LIN37: variants seen among roughly 807,000 people sequenced by gnomAD.
LIN37 encodes the protein protein lin-37 homolog.
LIN37 carries 21 observed loss-of-function variants against 38.0 expected under a neutral mutation model. That is an observed-to-expected ratio of 0.55 (90% confidence interval 0.39 to 0.80). LIN37 has a LOEUF of 0.80. Ranked by LOEUF, LIN37 falls within the 30% of genes least tolerant of loss-of-function variation. The pLI is 0.00. For synonymous variants in LIN37, 126 were observed against 122.9 expected (o/e 1.03, Z -0.17); for missense variants, 273 against 338.5 (o/e 0.81, Z 1.52).
intron 5 of LIN37, 36 bp from the exon 6 acceptor site, chr19:35,753,051 A>G (rs765241436): frequency 5.0e-6 from 8 of 1,593,308 alleles, no homozygotes; most frequent in Non-Finnish European, 6.8e-6. Context: ...GGCCTATGCA[A>G]GGATGCTCAC....
rs1970691251 is a variant in LIN37, at chr19:35,752,429, T to C, written c.111-5T>C. On this transcript the variant is annotated splice_region_variant and splice_polypyrimidine_tract_variant and intron_variant, in intron 2 of 8. Transcript: ENST00000301159. ...CCTGAGCTGAGAGATCTCTTCTGCC[T>C]CTAGGGAGCGTCTGGATGAGGAAGC... The C allele has an allele frequency of 1.2e-6, 2 of 1,613,948 alleles. No individual in the cohort carries two copies. Among genetic ancestry groups the C allele is most frequent in the Non-Finnish European group, 1.7e-6 (2 of 1,179,846 alleles).
At chr19:35,752,711 G>T in intron 3 of LIN37, 93 bp from the exon 4 acceptor site, 1 of 1,508,860 alleles carries the variant, frequency 6.6e-7, no homozygotes, top group South Asian at 1.2e-5. Context: ...GGGTTCATGT[G>T]AGCATCTCAG....
Position 35,753,236 on chromosome 19 carries a change from C to T in LIN37, c.427C>T (p.Leu143=), listed in dbSNP as rs566447622. The T allele has an allele frequency of 3.9e-6, 6 of 1,552,020 alleles. No individual in the cohort carries two copies. The South Asian group carries it at 7.1e-5, about 18-fold the overall frequency. The change falls in exon 6 of 9, where the codon CTG becomes TTG. Residue 143 remains leucine, a synonymous_variant. Transcript: ENST00000301159. ...ECSPSSPLPP[L]PEDEEGSEVT... The stretch of plus-strand genomic sequence containing the variant: ...CTCTCCCAGCTCACCCCTGCCCCCG[C>T]TGCCTGAGGATGAGGAGGTGGGATG...
chr19:35,753,315 C>G, intron 6 of LIN37, 62 bp downstream of exon 6: 9 of 1,517,884 alleles, frequency 5.9e-6, no homozygotes, highest in Non-Finnish European at 8.0e-6. Flanking sequence ...TGGATAGGCT[C>G]AAAGGATCCT....
chr19:35,753,328 C>A, intron 6 of LIN37, 75 bp downstream of exon 6: 1 of 1,495,208 alleles, frequency 6.7e-7, no homozygotes, highest in Non-Finnish European at 9.0e-7. Context: ...AGGATCCTGC[C>A]CCTAAGCTAG....
intron 1 of LIN37, among the ~76,000 whole-genome samples, chr19:35,749,321 T>C (rs1013195362): frequency 2.0e-5 from 3 of 152,060 alleles, no homozygotes; most frequent in Admixed American, 6.6e-5. Context: ...CCAGTAATCC[T>C]AGAAAATAGG....
rs1199965749 is a variant in LIN37 at position 35,754,274 on chromosome 19, C to T, written c.614C>T (p.Thr205Ile). ...EPSEPEPSPS[T>I]LIYRNMQRWK... ...TCTGAGCCCGAGCCCTCACCCTCCA[C>T]ACTCATCTATCGCAACATGCAGCGC... is the stretch of plus-strand genomic sequence containing the variant. Residue 205 changes from threonine to isoleucine, a missense_variant, in exon 8 of 9, where the codon ACA (threonine) becomes ATA (isoleucine). Physicochemically the swap from Thr to Ile is moderately conservative, Grantham distance 89. Transcript: ENST00000301159. 3.1e-6 allele frequency: 5 copies of T among 1,613,944 alleles called. No homozygotes were observed. In the Admixed American group the frequency reaches 6.7e-5, roughly 22 times the overall value.
chr19:35,752,741 AG>A (rs1970695645), intron 3 of LIN37, 62 bp from the exon 4 acceptor site: 2 of 1,578,670 alleles, frequency 1.3e-6, no homozygotes, highest in South Asian at 2.3e-5. Context: ...CAGTATCCCC[AG>A]GGTGCCCTCT....
intron 1 of LIN37, among the ~76,000 whole-genome samples, chr19:35,751,157 C>T (rs1240251096): frequency 6.6e-6 from 1 of 151,268 alleles, no homozygotes; most frequent in Admixed American, 6.6e-5. Context: ...CCCATCTCTA[C>T]TAAAAATACA....
chr19:35,748,919 A>G, intron 1 of LIN37, 161 bp downstream of exon 1: 1 of 1,537,272 alleles, frequency 6.5e-7, no homozygotes, highest in Admixed American at 1.8e-5. Context: ...CCACCTTCAC[A>G]CCCTCCCGGT....
chr19:35,748,672 C>T lies in LIN37; in HGVS notation c.-53C>T. On this transcript the variant is annotated 5_prime_UTR_variant, in exon 1 of 9. Transcript: ENST00000301159. ...CCTTCTCCCGCCTTGACTTGTGACC[C>T]TAGGCCCTTTGGGGCGCCTCTGACC... The T allele has an allele frequency of 6.2e-7, 1 of 1,612,942 alleles. No individual in the cohort carries two copies. Among genetic ancestry groups the T allele is most frequent in the South Asian group, 1.1e-5 (1 of 91,038 alleles).
chr19:35,754,425 G>A lies in LIN37; in HGVS notation c.692G>A (p.Arg231His), dbSNP rs763621662. 3.7e-6 allele frequency: 6 copies of A among 1,614,014 alleles called. No individual in the cohort carries two copies. Among genetic ancestry groups the A allele is most frequent in the South Asian group, 3.3e-5 (3 of 91,082 alleles). ...GAGGCCTCTCATCGGAACCAGCTTC[G>A]TTACTCAGAAAGCATGAAGATCCTA... ...WKEASHRNQLRYSESMKILRE... is the reference protein window; with the variant it reads ...WKEASHRNQLHYSESMKILRE... The change falls in exon 9 of 9, where the codon CGT becomes CAT. Residue 231 changes from arginine to histidine, a missense_variant. Coordinates refer to ENST00000301159, the MANE Select transcript of LIN37 (RefSeq NM_019104.3).
At chr19:35,752,077 G>T in intron 1 of LIN37, 99 bp from the exon 2 acceptor site, 1 of 885,020 alleles carries the variant, frequency 1.1e-6, no homozygotes, top group African/African-American at 1.7e-5. Flanking sequence ...TCTGAGATTG[G>T]CCAGGGCAGA....
chr19:35,752,251 G>T lies in LIN37; in HGVS notation c.110G>T (p.Arg37Met), dbSNP rs775087716. 1 of 1,605,084 alleles carries T rather than the reference G, an allele frequency of 6.2e-7. No individual in the cohort carries two copies. The highest frequency in any genetic ancestry group is 8.5e-7 in the Non-Finnish European group (1 of 1,175,818). ...CTGCTGGAGAAGAGTCACATGGACA[G>T]GTAGGCCAGCGTGGGGTCACAGGGC... is the stretch of plus-strand genomic sequence containing the variant. ...QCLLEKSHMD[R>M]ERLDEEAGKT... The change falls in exon 2 of 9, where the codon AGG becomes ATG. Residue 37 changes from arginine (R) to methionine (M), a missense_variant and splice_region_variant. Physicochemically the swap from Arg to Met is moderately conservative, Grantham distance 91. Coordinates refer to ENST00000301159, the MANE Select transcript of LIN37 (RefSeq NM_019104.3).
Position 35,752,480 on chromosome 19 carries a change from A to C in LIN37, c.157A>C (p.Asn53His). The part of the protein sequence containing the change: ...EAGKTPSDTH[N>H]KDCSIAATGK... ...TGGGAAAACACCCTCAGACACCCAC[A>C]ATAAGTGAGTTTTTCTGATTGGATT... The change falls in exon 3 of 9, where the codon AAT becomes CAT. Residue 53 changes from asparagine to histidine, a missense_variant. Transcript: ENST00000301159. 1 of 1,613,930 alleles carries C rather than the reference A, an allele frequency of 6.2e-7. No homozygotes were observed. Among genetic ancestry groups the C allele is most frequent in the East Asian group, 2.2e-5 (1 of 44,880 alleles).
intron 6 of LIN37, chr19:35,753,689 G>C: frequency 2.0e-6 from 1 of 509,950 alleles, no homozygotes; most frequent in Non-Finnish European, 3.6e-6. Flanking sequence ...AGACATATAG[G>C]ACTGTCAGAA....
chr19:35,748,789 G>C, intron 1 of LIN37, 31 bp downstream of exon 1: 4 of 1,613,718 alleles, frequency 2.5e-6, no homozygotes, highest in Non-Finnish European at 3.4e-6. Context: ...GGCCTGTCGG[G>C]ACCATCGGGT....
Position 35,754,121 on chromosome 19 carries a change from A to G in LIN37, c.549A>G (p.Pro183=). 6 of 1,613,934 alleles carry G rather than the reference A, an allele frequency of 3.7e-6. No homozygotes were observed. The highest frequency in any genetic ancestry group is 4.2e-6 in the Non-Finnish European group (5 of 1,179,856). ...CCTGCAGATCCCGCATCCCATCTCC[A>G]CTGCAGCCTGAGATGCAGGGCACCC... ...GDACRSRIPS[P]LQPEMQGTPD... Residue 183 remains proline, a synonymous_variant, in exon 7 of 9, where the codon CCA becomes CCG. Coordinates refer to ENST00000301159, the MANE Select transcript of LIN37 (RefSeq NM_019104.3).
In LIN37 at chr19:35,752,994, G is replaced by T; in HGVS notation, c.272G>T (p.Arg91Leu). The change falls in exon 5 of 9, where the codon CGA (arginine) becomes CTA (leucine). Residue 91 changes from arginine (R) to leucine (L), a missense_variant. Arg to Leu is a moderately radical substitution (Grantham distance 102). Coordinates refer to ENST00000301159, the MANE Select transcript of LIN37 (RefSeq NM_019104.3). ...GGGCTGGCTGAGGGAGGGCCGCAGC[G>T]ATCCAGTGAGTAGACAGTGGCCCTA... ...DDGLAEGGPQ[R>L]SNTYVIKLFD... 1 of 1,569,040 alleles carries T rather than the reference G, an allele frequency of 6.4e-7. No homozygotes were observed. The highest frequency in any genetic ancestry group is 8.6e-7 in the Non-Finnish European group (1 of 1,156,462).
Sources: gnomAD v4.1 joint callset for allele counts (sites outside exome capture counted in the v4.1 genomes callset) on GRCh38, gnomAD v4.1.1 for gene constraint, MANE v1.5 for transcripts, NCBI Gene and HGNC (gene_info 2026-07-23, HGNC 2026-07-21) for gene names.